The following SYCE2 variants were observed in gnomAD, a reference collection of about 807,000 sequenced individuals.
SYCE2 encodes the protein synaptonemal complex central element protein 2, also known as central element synaptonemal complex 1.
In SYCE2, 3 loss-of-function variants were observed where a neutral mutation model predicts 27.9. The observed-to-expected ratio is 0.11, with a 90% confidence interval of 0.05 to 0.28. The LOEUF is 0.28. Among genes scored for constraint, SYCE2 ranks in the 10% least tolerant of loss-of-function variants. The pLI, the probability that SYCE2 is intolerant of heterozygous loss-of-function variation, is 1.00. For synonymous variants in SYCE2, 85 were observed against 100.7 expected (o/e 0.84, Z 0.93); for missense variants, 207 against 263.5 (o/e 0.79, Z 1.48).
intron 3 of SYCE2, among the ~76,000 whole-genome samples, chr19:12,903,353 A>T (rs1483066511): frequency 1.3e-5 from 2 of 150,036 alleles, no homozygotes; most frequent in Non-Finnish European, 3.0e-5. Flanking sequence ...GGCCTCCCAA[A>T]GTGCTGGGAT....
chr19:12,902,100 A>G (rs893135031), intron 3 of SYCE2, among the ~76,000 whole-genome samples: 1 of 152,296 alleles, frequency 6.6e-6, no homozygotes, highest in Middle Eastern at 3.4e-3. Flanking sequence ...ATAAGTGCCT[A>G]CAGTATTCAG....
intron 2 of SYCE2, among the ~76,000 whole-genome samples, chr19:12,912,806 G>C (rs1971071204): frequency 6.6e-6 from 1 of 151,784 alleles, no homozygotes; most frequent in Non-Finnish European, 1.5e-5. Flanking sequence ...CTTGAATTCA[G>C]CTAATTCGAG....
At chr19:12,907,258 A>T (rs894274699) in intron 2 of SYCE2, among the ~76,000 whole-genome samples, 1 of 152,214 alleles carries the variant, frequency 6.6e-6, no homozygotes, top group African/African-American at 2.4e-5. Flanking sequence ...CACCTTCTCA[A>T]GGTGGAGGAC....
In SYCE2 at chr19:12,904,775, C is replaced by T. The variant is rs147308768; in HGVS notation, c.132-109G>A. The T allele has an allele frequency of 1.3e-4, 167 of 1,287,122 alleles. 1 individual carries two copies. In the East Asian group the frequency reaches 3.1e-3, roughly 24 times the overall value. 79.7% of individuals were successfully genotyped at this position (1,287,122 alleles called of 1,614,324 possible). On this transcript the variant is annotated intron_variant, in intron 2 of 5. Coordinates refer to ENST00000293695, the MANE Select transcript of SYCE2 (RefSeq NM_001105578.2). ...TCAGCACTTTGTAGGCCGAGGTGGG[C>T]GGATCACAAGGTCAGGAGTTCGAGA...
At chr19:12,904,390 A>G in intron 3 of SYCE2, 102 bp downstream of exon 3, 4 of 1,393,410 alleles carry the variant, frequency 2.9e-6, no homozygotes, top group East Asian at 2.3e-5. Flanking sequence ...CTGTGTGTGA[A>G]TGGCCTAGCA....
intron 2 of SYCE2, among the ~76,000 whole-genome samples, chr19:12,911,835 C>T (rs1254074038): frequency 6.6e-6 from 1 of 152,096 alleles, no homozygotes; most frequent in Non-Finnish European, 1.5e-5. Context: ...CCAGGCTGGT[C>T]TTGAACTCCT....
At chr19:12,902,792 G>A (rs1970863752) in intron 3 of SYCE2, among the ~76,000 whole-genome samples, 1 of 151,972 alleles carries the variant, frequency 6.6e-6, no homozygotes, top group Non-Finnish European at 1.5e-5. Context: ...TGCAGTCTGG[G>A]CAACAGCAAG....
At chr19:12,907,425 G>A (rs912731843) in intron 2 of SYCE2, among the ~76,000 whole-genome samples, 38 of 152,316 alleles carry the variant, frequency 2.5e-4, no homozygotes, top group African/African-American at 8.9e-4. Flanking sequence ...AAGCCTTGTA[G>A]GTGTGGACAG....
chr19:12,916,320 CG>C (rs1278093665), intron 2 of SYCE2, among the ~76,000 whole-genome samples: 1 of 152,086 alleles, frequency 6.6e-6, no homozygotes, highest in Non-Finnish European at 1.5e-5. Context: ...CCGCCTGCCT[CG>C]GCCTCCCAAA....
intron 3 of SYCE2, among the ~76,000 whole-genome samples, chr19:12,901,169 AAAAT>A (rs368396066): frequency 0.15 from 21,636 of 140,638 alleles, 1,792 homozygotes; most frequent in African/African-American, 0.21. Flanking sequence ...ACTCCATCTC[AAAAT>A]AAATAAATAA....
intron 2 of SYCE2, among the ~76,000 whole-genome samples, chr19:12,905,379 T>C (rs1970916252): frequency 6.6e-6 from 1 of 152,168 alleles, no homozygotes; most frequent in Non-Finnish European, 1.5e-5. Flanking sequence ...TCGCCCAGGC[T>C]GGAGTGCAGT....
At chr19:12,905,907 C>T (rs941133369) in intron 2 of SYCE2, among the ~76,000 whole-genome samples, 11 of 152,182 alleles carry the variant, frequency 7.2e-5, no homozygotes, top group Non-Finnish European at 1.6e-4. Context: ...TGAGCCACTG[C>T]GCCTGACTGA....
chr19:12,902,917 T>C (rs966140365), intron 3 of SYCE2, among the ~76,000 whole-genome samples: 22 of 151,514 alleles, frequency 1.5e-4, no homozygotes, highest in African/African-American at 4.8e-4. Flanking sequence ...TGTTTGTTTG[T>C]TTGCTGGAAT....
chr19:12,910,893 G>A (rs1049323004), intron 2 of SYCE2, among the ~76,000 whole-genome samples: 1 of 151,536 alleles, frequency 6.6e-6, no homozygotes, highest in African/African-American at 2.4e-5. Context: ...TAGCCAGGAT[G>A]GTCTCAATCT....
At chr19:12,911,231 C>A (rs1003223078) in intron 2 of SYCE2, among the ~76,000 whole-genome samples, 1 of 152,128 alleles carries the variant, frequency 6.6e-6, no homozygotes, top group African/African-American at 2.4e-5. Flanking sequence ...GCCTCGGCCC[C>A]CAAAGTGCTG....
At position 12,918,333 on chromosome 19, in the gene SYCE2, T is replaced by C; in HGVS notation, c.20A>G (p.Asp7Gly). ...GTCTTTGCATTTCACATGGGGCACGTCCACCTGCAAGCACAGTCAGGACGG... is the reference window on the plus strand; with the variant it reads ...GTCTTTGCATTTCACATGGGGCACGCCCACCTGCAAGCACAGTCAGGACGG... MERQGV[D>G]VPHVKCKDQE... Residue 7 changes from aspartate to glycine, a missense_variant, in exon 2 of 6, where the codon GAC (aspartate) becomes GGC (glycine). Physicochemically the swap from Asp to Gly is moderately conservative, Grantham distance 94 (BLOSUM62 -1). Transcript: ENST00000293695. The C allele has an allele frequency of 1.2e-6, 2 of 1,613,992 alleles. No homozygotes were observed. Among genetic ancestry groups the C allele is most frequent in the Non-Finnish European group, 1.7e-6 (2 of 1,179,892 alleles).
intron 2 of SYCE2, among the ~76,000 whole-genome samples, chr19:12,917,387 G>A (rs1372304182): frequency 2.6e-5 from 4 of 151,384 alleles, no homozygotes; most frequent in Admixed American, 2.6e-4. Flanking sequence ...TTTTTGAGAC[G>A]GAGTCTCACT....
rs368901256 is a variant in SYCE2 at position 12,919,287 on chromosome 19, C to T, written c.-30G>A. 1.9e-6 allele frequency: 3 copies of T among 1,608,648 alleles called. No homozygotes were observed. The highest frequency in any genetic ancestry group is 1.1e-5 in the South Asian group (1 of 91,090). The stretch of plus-strand genomic sequence containing the variant: ...TATTTTCCCGCCTTCAAGCTCGCAC[C>T]CTCTGCGCATGCGCCGACCCCGCCC... On this transcript the variant is annotated 5_prime_UTR_variant, in exon 1 of 6. Transcript: ENST00000293695.
At position 12,900,450 on chromosome 19, in the gene SYCE2, T is replaced by C; in HGVS notation, c.495+10A>G. 6.2e-7 allele frequency: 1 copy of C among 1,611,376 alleles called. No individual in the cohort carries two copies. The highest frequency in any genetic ancestry group is 8.5e-7 in the Non-Finnish European group (1 of 1,178,694). On this transcript the variant is annotated intron_variant, in intron 4 of 5. Transcript: ENST00000293695. ...CTCAGGCAGCGCCCCCCCTGTGAGTTTACTCATACCTCAGGCTGGAGACAC... is the reference window on the plus strand; with the variant it reads ...CTCAGGCAGCGCCCCCCCTGTGAGTCTACTCATACCTCAGGCTGGAGACAC...
Sources: allele counts gnomAD v4.1 joint callset (sites outside exome capture counted in the v4.1 genomes callset), GRCh38; gene constraint gnomAD v4.1.1; transcripts MANE v1.5; gene names NCBI Gene and HGNC (gene_info 2026-07-23, HGNC 2026-07-21).